The following RIMBP2 variants were observed in gnomAD, a reference collection of about 807,000 sequenced individuals.
RIMBP2 encodes the protein RIMS-binding protein 2.
Under a neutral mutation model 118.6 loss-of-function variants are expected in RIMBP2, and 48 were observed. The observed-to-expected ratio is 0.40, with a 90% CI of 0.32 to 0.51. The LOEUF is 0.51. Among genes scored for constraint, RIMBP2 ranks in the 20% least tolerant of loss-of-function variants. The pLI, the probability that RIMBP2 is intolerant of heterozygous loss-of-function variation, is 0.41. For synonymous variants in RIMBP2, 762 were observed against 742.9 expected (o/e 1.03, Z -0.42); for missense variants, 1,551 against 1,768.3 (o/e 0.88, Z 2.20).
chr12:130,496,196 G>T (rs932182956), intron 4 of RIMBP2, among the ~76,000 whole-genome samples: 7 of 152,290 alleles, frequency 4.6e-5, no homozygotes, highest in South Asian at 4.1e-4. Context: ...CATGGGGGCG[G>T]TGTCCCCCAC....
At chr12:130,541,854 G>T (rs1055883906) in intron 2 of RIMBP2, among the ~76,000 whole-genome samples, 4 of 152,154 alleles carry the variant, frequency 2.6e-5, no homozygotes, top group Non-Finnish European at 5.9e-5. Flanking sequence ...CACTTTCTAG[G>T]TGTACTAGCT....
Position 130,646,202 on chromosome 12 carries a change from T to A in RIMBP2, c.-351-17746A>T, listed in dbSNP as rs199959330. ...CTCCACCTCCCTCACCACTTCCCTC[T>A]CCACCTCCCTCTCCACCTCCCTCAC... On this transcript the variant is annotated intron_variant, in intron 1 of 22. Transcript: ENST00000690449. 7.3e-3 allele frequency among the ~76,000 whole-genome samples: 133 copies of A among 18,186 alleles called. 17 individuals are homozygous for A. Among genetic ancestry groups the A allele is most frequent in the Middle Eastern group, 0.033 (1 of 30 alleles). The allele number at this position is 18,186 out of a possible 152,430, so 11.9% of individuals were successfully genotyped here. A position where few individuals can be genotyped will look rare whatever the true frequency, so the allele number is the denominator to read the frequency against.
At chr12:130,571,662 T>A (rs1383072975) in intron 2 of RIMBP2, among the ~76,000 whole-genome samples, 2 of 152,122 alleles carry the variant, frequency 1.3e-5, no homozygotes, top group Non-Finnish European at 2.9e-5. Flanking sequence ...AACCTCTTAA[T>A]GCTCAGACAG....
chr12:130,652,866 C>T (rs1398228262), intron 1 of RIMBP2, among the ~76,000 whole-genome samples: 1 of 152,114 alleles, frequency 6.6e-6, no homozygotes, highest in African/African-American at 2.4e-5. Flanking sequence ...GGAGAAGTGC[C>T]ACCCTTTTAA....
At chr12:130,412,131 G>C (rs1279425721) in intron 19 of RIMBP2, among the ~76,000 whole-genome samples, 1 of 152,078 alleles carries the variant, frequency 6.6e-6, no homozygotes, top group Non-Finnish European at 1.5e-5. Flanking sequence ...TCTCACTGGT[G>C]CTTGCAGACT....
At chr12:130,561,223 G>T (rs574433853) in intron 2 of RIMBP2, among the ~76,000 whole-genome samples, 1 of 152,292 alleles carries the variant, frequency 6.6e-6, no homozygotes, top group African/African-American at 2.4e-5. Context: ...CTCCAGAACT[G>T]GGAGAGAATA....
intron 1 of RIMBP2, among the ~76,000 whole-genome samples, chr12:130,659,367 C>T (rs1176254289): frequency 2.0e-5 from 3 of 151,202 alleles, no homozygotes; most frequent in South Asian, 4.2e-4. Flanking sequence ...GTCAGGAGAT[C>T]GAGACCATCC....
intron 4 of RIMBP2, among the ~76,000 whole-genome samples, chr12:130,482,431 G>A (rs1566118954): frequency 6.6e-6 from 1 of 152,158 alleles, no homozygotes; most frequent in Non-Finnish European, 1.5e-5. Flanking sequence ...AAACGAGAAG[G>A]GCCCGAGTGT....
In RIMBP2 at chr12:130,630,399, A is replaced by G. The variant is rs370718743; in HGVS notation, c.-351-1943T>C. 6.9e-4 allele frequency among the ~76,000 whole-genome samples: 105 copies of G among 152,158 alleles called. 1 individual carries two copies. In the South Asian group the frequency reaches 0.017, roughly 24 times the overall value. ...GGGGAATTCTCATCTGGGCCACCAA[A>G]TATTTAAAAACAAAAATTCCTATAT... is the stretch of plus-strand genomic sequence containing the variant. On this transcript the variant is annotated intron_variant, in intron 1 of 22. Coordinates refer to ENST00000690449, the MANE Select transcript of RIMBP2 (RefSeq NM_001393629.1).
At chr12:130,541,015 G>C (rs2054553200) in intron 2 of RIMBP2, among the ~76,000 whole-genome samples, 1 of 152,166 alleles carries the variant, frequency 6.6e-6, no homozygotes, top group Admixed American at 6.5e-5. Flanking sequence ...ACCAAGAGCT[G>C]AGATGAACAC....
chr12:130,703,878 G>T lies in RIMBP2; in HGVS notation c.-352+12344C>A, dbSNP rs766636153. On this transcript the variant is annotated intron_variant, in intron 1 of 22. Transcript: ENST00000690449. The surrounding 1 kb of genome is among the most constrained non-coding windows in gnomAD (Gnocchi z 5.7). ...GGGAACCCTGAGCCTGAGCCTGAACGCAGCGCAGAGGTCTGGGGCCCGACC... is the reference window on the plus strand; with the variant it reads ...GGGAACCCTGAGCCTGAGCCTGAACTCAGCGCAGAGGTCTGGGGCCCGACC... Among the ~76,000 whole-genome samples the T allele has an allele frequency of 7.9e-5, 12 of 152,056 alleles. No homozygotes were observed. The highest frequency in any genetic ancestry group is 1.0e-4 in the Non-Finnish European group (7 of 68,010).
At chr12:130,502,514 C>G (rs973511119) in intron 4 of RIMBP2, among the ~76,000 whole-genome samples, 11 of 152,070 alleles carry the variant, frequency 7.2e-5, no homozygotes, top group Admixed American at 2.0e-4. Flanking sequence ...TGCACTCCCC[C>G]TGCCTGGAAT....
At chr12:130,711,377 T>C (rs1949906406) in intron 1 of RIMBP2, among the ~76,000 whole-genome samples, 1 of 152,234 alleles carries the variant, frequency 6.6e-6, no homozygotes, top group South Asian at 2.1e-4. Context: ...CTGGATTCCA[T>C]TTTCTAATTT....
chr12:130,610,606 G>A (rs2060474865), intron 2 of RIMBP2, among the ~76,000 whole-genome samples: 1 of 122,926 alleles, frequency 8.1e-6, no homozygotes, highest in South Asian at 2.8e-4. Context: ...TGTCGCCCAG[G>A]CTGGAGTGCA....
chr12:130,429,877 G>A (rs76900711), intron 14 of RIMBP2: 2 of 152,156 alleles, frequency 1.3e-5, no homozygotes, highest in South Asian at 2.1e-4. Context: ...CGGAAGGCAC[G>A]AAAGCGAACT....
At chr12:130,545,981 G>T (rs1448872946) in intron 2 of RIMBP2, among the ~76,000 whole-genome samples, 1 of 152,096 alleles carries the variant, frequency 6.6e-6, no homozygotes, top group East Asian at 1.9e-4. Context: ...ACACAGCTTG[G>T]GTAAAGAAAT....
At chr12:130,485,939 G>T (rs757837594) in intron 4 of RIMBP2, among the ~76,000 whole-genome samples, 1 of 152,214 alleles carries the variant, frequency 6.6e-6, no homozygotes, top group Admixed American at 6.5e-5. Context: ...AGCGGGAGAA[G>T]CACTCGGCCC....
chr12:130,575,778 G>A (rs925841285), intron 2 of RIMBP2, among the ~76,000 whole-genome samples: 3 of 152,242 alleles, frequency 2.0e-5, no homozygotes, highest in Non-Finnish European at 4.4e-5. Context: ...CTGCCCTGGA[G>A]CCGCTCACAT....
At chr12:130,603,349 C>A (rs938339794) in intron 2 of RIMBP2, among the ~76,000 whole-genome samples, 1 of 152,146 alleles carries the variant, frequency 6.6e-6, no homozygotes, top group Non-Finnish European at 1.5e-5. Context: ...ATCCTATAAC[C>A]CTACTAACTT....
Sources: gnomAD v4.1 joint callset for allele counts (sites outside exome capture counted in the v4.1 genomes callset) on GRCh38, gnomAD v4.1.1 for gene constraint, Gnocchi (gnomAD v3.1) non-coding constraint, MANE v1.5 for transcripts, NCBI Gene and HGNC (gene_info 2026-07-23, HGNC 2026-07-21) for gene names.